ABCC1: variants seen among roughly 807,000 people sequenced by gnomAD.
ABCC1 encodes ATP binding cassette subfamily C member 1 (ABCC1 blood group).
Under a neutral mutation model 172.9 loss-of-function variants are expected in ABCC1, and 83 were observed. The observed-to-expected ratio is 0.48, with a 90% CI of 0.40 to 0.58. The LOEUF (loss-of-function observed/expected upper bound fraction) is 0.58. Ranked by LOEUF, ABCC1 falls within the 20% of genes least tolerant of loss-of-function variation. ABCC1 has a pLI of 0.00. For missense variants in ABCC1, 1,817 were observed against 2,002.7 expected (o/e 0.91, Z 1.77); for synonymous variants, 937 against 825.2 (o/e 1.14, Z -2.32).
At chr16:15,996,202 C>T (rs147708174) in intron 1 of ABCC1, among the ~76,000 whole-genome samples, 4 of 152,140 alleles carry the variant, frequency 2.6e-5, no homozygotes, top group African/African-American at 7.2e-5. Context: ...CCAGGCTGGT[C>T]TCGAACTCCT....
chr16:16,006,955 T>C (rs1325287415), intron 1 of ABCC1, among the ~76,000 whole-genome samples: 1 of 151,748 alleles, frequency 6.6e-6, no homozygotes, highest in Non-Finnish European at 1.5e-5. Flanking sequence ...GTGATATTGG[T>C]GGTGGTGATG....
At chr16:16,035,702 C>G (rs1216287545) in intron 6 of ABCC1, among the ~76,000 whole-genome samples, 1 of 151,502 alleles carries the variant, frequency 6.6e-6, no homozygotes. Context: ...CCTATGTTGT[C>G]CAGGCTGGTC....
At chr16:16,048,511 G>A (rs777641519) in intron 10 of ABCC1, among the ~76,000 whole-genome samples, 1 of 152,102 alleles carries the variant, frequency 6.6e-6, no homozygotes, top group Non-Finnish European at 1.5e-5. Context: ...CTCCTTGGTG[G>A]CATGGCGTTT....
At chr16:16,103,672 C>T (rs565205426) in intron 20 of ABCC1, among the ~76,000 whole-genome samples, 55 of 152,264 alleles carry the variant, frequency 3.6e-4, no homozygotes, top group African/African-American at 1.3e-3. Flanking sequence ...CGTATCAGAC[C>T]GCGGAGATCT....
intron 1 of ABCC1, among the ~76,000 whole-genome samples, chr16:15,970,607 G>A (rs184268154): frequency 5.0e-4 from 76 of 152,318 alleles, no homozygotes; most frequent in African/African-American, 1.7e-3. Flanking sequence ...TCAAAGAGTA[G>A]GGAAGAGAAA....
intron 1 of ABCC1, among the ~76,000 whole-genome samples, chr16:15,979,800 C>T (rs1162372606): frequency 1.3e-5 from 2 of 152,076 alleles, no homozygotes; most frequent in African/African-American, 2.4e-5. Flanking sequence ...TATCACCCTG[C>T]TTACTTGTTT....
chr16:16,040,808 C>A (rs759567570), intron 7 of ABCC1, among the ~76,000 whole-genome samples: 7 of 151,868 alleles, frequency 4.6e-5, no homozygotes, highest in Non-Finnish European at 5.9e-5. Context: ...TCATAACAAC[C>A]CAGGCTGTCC....
intron 1 of ABCC1, among the ~76,000 whole-genome samples, chr16:15,981,144 G>A (rs1032926852): frequency 6.6e-6 from 1 of 152,218 alleles, no homozygotes; most frequent in Admixed American, 6.5e-5. Flanking sequence ...GGCTTTGCAG[G>A]GTACAGCCCC....
intron 1 of ABCC1, among the ~76,000 whole-genome samples, chr16:15,986,519 G>A (rs2046748252): frequency 1.3e-5 from 2 of 152,188 alleles, no homozygotes; most frequent in African/African-American, 4.8e-5. Flanking sequence ...GCATGCGAGG[G>A]ACCTAGGCTG....
intron 30 of ABCC1, among the ~76,000 whole-genome samples, chr16:16,138,898 CAG>C (rs1370094633): frequency 6.6e-6 from 1 of 152,092 alleles, no homozygotes; most frequent in Non-Finnish European, 1.5e-5. Flanking sequence ...TTAGTAGTGA[CAG>C]GGTTTTGCCA....
Position 16,076,383 on chromosome 16 carries a change from A to G in ABCC1, c.1970A>G (p.Asp657Gly). 6.2e-7 allele frequency: 1 copy of G among 1,608,908 alleles called. No homozygotes were observed. Residue 657 changes from aspartate to glycine, a missense_variant, in exon 15 of 31, where the codon GAC becomes GGC. By Grantham distance (94) the Asp-to-Gly change is moderately conservative. Coordinates refer to ENST00000399410, the MANE Select transcript of ABCC1 (RefSeq NM_004996.4). ...RNATFTWARS[D>G]PPTLNGITFS... ...GCCACATTCACCTGGGCCAGGAGCG[A>G]CCCTCCCACACTGAATGGGTAAGCC...
At chr16:16,087,093 T>A in intron 18 of ABCC1, 102 bp downstream of exon 18, 3 of 1,303,352 alleles carry the variant, frequency 2.3e-6, no homozygotes, top group Non-Finnish European at 3.2e-6. Context: ...TGGCTTTCTT[T>A]GTTTTTAATT....
intron 20 of ABCC1, among the ~76,000 whole-genome samples, chr16:16,104,242 C>T (rs1395994445): frequency 1.3e-5 from 2 of 152,162 alleles, no homozygotes; most frequent in African/African-American, 4.8e-5. Context: ...CCACTGCTGG[C>T]TCTGGCAGCC....
intron 13 of ABCC1, among the ~76,000 whole-genome samples, chr16:16,068,512 A>G (rs535503371): frequency 2.0e-5 from 3 of 152,322 alleles, no homozygotes; most frequent in African/African-American, 7.2e-5. Flanking sequence ...ACTTGAGTAT[A>G]TGAATCAAGT....
chr16:16,134,625 CTTTT>C (rs67073334), intron 28 of ABCC1, 117 bp downstream of exon 28: 55,026 of 350,586 alleles, frequency 0.16, 779 homozygotes, highest in South Asian at 0.2. Context: ...CTTCATCGTT[CTTTT>C]TTTTTTTTTT....
At chr16:15,981,602 G>A (rs2046621424) in intron 1 of ABCC1, among the ~76,000 whole-genome samples, 1 of 152,138 alleles carries the variant, frequency 6.6e-6, no homozygotes, top group South Asian at 2.1e-4. Context: ...TCCCTAGGCA[G>A]CACACAGCAG....
intron 25 of ABCC1, among the ~76,000 whole-genome samples, chr16:16,125,199 T>G (rs2045376737): frequency 6.6e-6 from 1 of 152,214 alleles, no homozygotes; most frequent in Admixed American, 6.5e-5. Context: ...AATTTCCCTC[T>G]AAGAACTGCT....
Position 16,090,579 on chromosome 16 carries a change from G to T in ABCC1, c.2635G>T (p.Glu879Ter). The T allele has an allele frequency of 6.3e-7, 1 of 1,595,992 alleles. No individual in the cohort carries two copies. The stretch of plus-strand genomic sequence containing the variant: ...CAGCACAGAGCAGGAGCAGGATGCA[G>T]AGGAGAACGGTAGGGGCAGCCCCAG... ...YASTEQEQDA[E>*]ENGVTGVSGP... is the part of the protein sequence containing the mutation. Residue 879 changes from glutamate to a stop codon, truncating the protein, a stop_gained, in exon 19 of 31, where the codon GAG becomes TAG. Coordinates refer to ENST00000399410, the MANE Select transcript of ABCC1 (RefSeq NM_004996.4). LOFTEE classifies it high-confidence loss of function.
At chr16:15,987,273 A>T (rs1034068183) in intron 1 of ABCC1, among the ~76,000 whole-genome samples, 1 of 152,240 alleles carries the variant, frequency 6.6e-6, no homozygotes, top group Non-Finnish European at 1.5e-5. Context: ...CATGTTTAAC[A>T]AAGTGCTTAT....
Sources: gnomAD v4.1 joint callset for allele counts (sites outside exome capture counted in the v4.1 genomes callset) on GRCh38, gnomAD v4.1.1 for gene constraint, MANE v1.5 for transcripts, NCBI Gene and HGNC (gene_info 2026-07-23, HGNC 2026-07-21) for gene names.